The following COMMD1 variants were observed in gnomAD, a reference collection of about 807,000 sequenced individuals.
COMMD1 encodes the protein COMM domain-containing protein 1.
A neutral mutation model predicts 17.2 loss-of-function variants in COMMD1; 10 were observed. The ratio of observed to expected loss-of-function variants is 0.58; its 90% CI spans 0.36 to 0.99. COMMD1 has a LOEUF of 0.99. Among genes scored for constraint, COMMD1 ranks in the 50% least tolerant of loss-of-function variants. The pLI, the probability that COMMD1 is intolerant of heterozygous loss-of-function variation, is 0.01. For missense variants in COMMD1, 270 were observed against 231.8 expected (o/e 1.17, Z -1.07); for synonymous variants, 97 against 91.6 (o/e 1.06, Z -0.34).
chr2:61,979,826 C>T (rs1362748843), intron 1 of COMMD1, among the ~76,000 whole-genome samples: 1 of 144,594 alleles, frequency 6.9e-6, no homozygotes, highest in Non-Finnish European at 1.5e-5. Flanking sequence ...TATACATGTG[C>T]CATGCTGGTG....
intron 1 of COMMD1, among the ~76,000 whole-genome samples, chr2:61,949,522 A>C (rs1670996289): frequency 6.6e-6 from 1 of 152,228 alleles, no homozygotes; most frequent in African/African-American, 2.4e-5. Flanking sequence ...AGGTGTTCCC[A>C]AAAAGTGTGT....
chr2:61,974,172 T>C (rs1156233303), intron 1 of COMMD1, among the ~76,000 whole-genome samples: 4 of 152,144 alleles, frequency 2.6e-5, no homozygotes, highest in African/African-American at 9.7e-5. Flanking sequence ...CATGCCTTTG[T>C]AATCCCAGCT....
intron 2 of COMMD1, among the ~76,000 whole-genome samples, chr2:62,102,015 C>G (rs977824610): frequency 6.6e-6 from 1 of 152,156 alleles, no homozygotes; most frequent in African/African-American, 2.4e-5. Flanking sequence ...TTCTGACTAC[C>G]AGCCCCATCT....
intron 2 of COMMD1, among the ~76,000 whole-genome samples, chr2:62,129,230 A>G (rs1672962500): frequency 6.6e-6 from 1 of 152,192 alleles, no homozygotes; most frequent in Admixed American, 6.5e-5. Flanking sequence ...ACGATACCCT[A>G]CATAGAAAAT....
chr2:61,992,924 G>A (rs888485112), intron 1 of COMMD1, among the ~76,000 whole-genome samples: 1 of 152,002 alleles, frequency 6.6e-6, no homozygotes. Context: ...AATGAGGGAG[G>A]TAATTGTTTA....
intron 2 of COMMD1, among the ~76,000 whole-genome samples, chr2:62,064,877 CTA>C (rs529537104): frequency 8.8e-4 from 134 of 152,268 alleles, no homozygotes; most frequent in African/African-American, 3.1e-3. Flanking sequence ...TCATAAAAAT[CTA>C]TGCTGTGCCA....
At chr2:61,909,490 A>T (rs1306334907) in intron 1 of COMMD1, among the ~76,000 whole-genome samples, 4 of 152,226 alleles carry the variant, frequency 2.6e-5, no homozygotes, top group Non-Finnish European at 4.4e-5. Flanking sequence ...TTAAGAACAT[A>T]GCATGGGTGG....
chr2:62,034,088 C>CAAAAA (rs34439318), intron 2 of COMMD1, among the ~76,000 whole-genome samples: 67 of 61,838 alleles, frequency 1.1e-3, no homozygotes, highest in Non-Finnish European at 1.2e-3. Flanking sequence ...GACCCTGTCT[C>CAAAAA]AAAAAAAAAA....
chr2:62,000,961 G>T lies in COMMD1; in HGVS notation c.441G>T (p.Leu147=). ...QIHTPVAIIE[L]ELGKYGQESE... Reference sequence around the variant, plus strand: ...ACACACCTGTTGCCATTATAGAGCTGGAATTAGGCAAATATGGACAGGTGA... The same window carrying T: ...ACACACCTGTTGCCATTATAGAGCTTGAATTAGGCAAATATGGACAGGTGA... Residue 147 remains leucine (L), a synonymous_variant, in exon 2 of 3, where the codon CTG becomes CTT. Transcript: ENST00000311832. The T allele has an allele frequency of 1.2e-6, 2 of 1,613,508 alleles. No individual in the cohort carries two copies. The highest frequency in any genetic ancestry group is 2.2e-5 in the East Asian group (1 of 44,888).
Position 61,905,674 on chromosome 2 carries a change from A to C in COMMD1, c.-5A>C. The C allele has an allele frequency of 2.6e-6, 4 of 1,549,578 alleles. No homozygotes were observed. In the South Asian group the frequency reaches 4.7e-5, roughly 18 times the overall value. On this transcript the variant is annotated 5_prime_UTR_variant, in exon 1 of 3. Transcript: ENST00000311832. ...AGCTGTTGCGGGGCGGGGCCTTCGC[A>C]GAGCATGGCGGCGGGCGAGCTTGAG...
At chr2:62,007,823 C>G (rs528110534) in intron 2 of COMMD1, among the ~76,000 whole-genome samples, 31 of 152,324 alleles carry the variant, frequency 2.0e-4, no homozygotes, top group African/African-American at 7.2e-4. Context: ...TAACTATACA[C>G]TGATCTGCTT....
At chr2:62,066,787 G>T (rs1671060877) in intron 2 of COMMD1, among the ~76,000 whole-genome samples, 1 of 151,846 alleles carries the variant, frequency 6.6e-6, no homozygotes, top group Non-Finnish European at 1.5e-5. Context: ...GTGCAGAGGT[G>T]GGATTGCGGC....
chr2:61,921,633 C>T (rs1187852362), intron 1 of COMMD1, among the ~76,000 whole-genome samples: 1 of 152,054 alleles, frequency 6.6e-6, no homozygotes, highest in Non-Finnish European at 1.5e-5. Context: ...TTAGTAGAGA[C>T]GGGGTTTCAC....
chr2:61,902,897 G>A (rs533764759), upstream of COMMD1, among the ~76,000 whole-genome samples: 1 of 152,066 alleles, frequency 6.6e-6, no homozygotes, highest in South Asian at 2.1e-4. Context: ...TGTTACTAAG[G>A]TTTCATAGAA....
At chr2:62,023,487 ATT>A (rs113607912) in intron 2 of COMMD1, among the ~76,000 whole-genome samples, 1 of 146,314 alleles carries the variant, frequency 6.8e-6, no homozygotes, top group Non-Finnish European at 1.5e-5. Flanking sequence ...TTTACTGTGG[ATT>A]TTTTTTTTTT....
intron 2 of COMMD1, among the ~76,000 whole-genome samples, chr2:62,093,575 TAGTG>T (rs1163744322): frequency 2.0e-5 from 3 of 152,124 alleles, no homozygotes; most frequent in African/African-American, 7.2e-5. Flanking sequence ...AAAAAAATGT[TAGTG>T]AGGGTATTTG....
chr2:62,003,245 AAAC>A (rs1471436537), intron 2 of COMMD1, among the ~76,000 whole-genome samples: 6 of 150,940 alleles, frequency 4.0e-5, no homozygotes, highest in African/African-American at 1.5e-4. Flanking sequence ...AAAAAAAACA[AAAC>A]AAAACAAAAC....
chr2:61,931,053 T>G (rs1335034813), intron 1 of COMMD1, among the ~76,000 whole-genome samples: 1 of 152,152 alleles, frequency 6.6e-6, no homozygotes, highest in African/African-American at 2.4e-5. Flanking sequence ...GGCTCGTGCC[T>G]GTAATCCTCG....
At chr2:61,968,266 T>C (rs79055900) in intron 1 of COMMD1, among the ~76,000 whole-genome samples, 19,340 of 152,226 alleles carry the variant, frequency 0.13, 1,557 homozygotes, top group Non-Finnish European at 0.18. Context: ...ATTAGCATAC[T>C]TGTGAGTCCA....
Sources: gnomAD v4.1 joint callset for allele counts (sites outside exome capture counted in the v4.1 genomes callset) on GRCh38, gnomAD v4.1.1 for gene constraint, MANE v1.5 for transcripts, NCBI Gene and HGNC (gene_info 2026-07-23, HGNC 2026-07-21) for gene names.